The following MAOA variants were observed in gnomAD, a reference collection of about 807,000 sequenced individuals.
MAOA encodes the protein amine oxidase [flavin-containing] A.
In MAOA, 6 loss-of-function variants were observed where a neutral mutation model predicts 42.0. That is an observed-to-expected ratio of 0.14 (90% CI 0.08 to 0.28). MAOA has a LOEUF of 0.28. Ranked by LOEUF, MAOA falls within the 10% of genes least tolerant of loss-of-function variation. The pLI is 1.00. For synonymous variants in MAOA, 140 were observed against 154.0 expected, an observed-to-expected ratio of 0.91 and a Z score of 0.67; for missense variants, 262 against 422.3, an observed-to-expected ratio of 0.62 and a Z score of 3.33.
At chrX:43,677,000 T>A (rs1162221198) in intron 1 of MAOA, among the ~76,000 whole-genome samples, 2 of 111,032 alleles carry the variant, frequency 1.8e-5, no homozygotes, top group Non-Finnish European at 3.8e-5. Flanking sequence ...AAATCAGAAA[T>A]CACATAGGAG....
chrX:43,735,752 C>T (rs1273250123), intron 9 of MAOA, among the ~76,000 whole-genome samples: 3 of 112,711 alleles, frequency 2.7e-5, no homozygotes, highest in South Asian at 3.6e-4. Flanking sequence ...TCTGCTGCCC[C>T]GTCCAATTAC....
intron 5 of MAOA, among the ~76,000 whole-genome samples, chrX:43,723,618 A>T (rs2033809076): frequency 1.8e-5 from 2 of 111,722 alleles, no homozygotes; most frequent in South Asian, 7.5e-4. Context: ...ATATATAATC[A>T]TGTCATCTGC....
intron 2 of MAOA, among the ~76,000 whole-genome samples, chrX:43,685,307 A>G (rs1224053006): frequency 8.9e-6 from 1 of 111,855 alleles, no homozygotes; most frequent in African/African-American, 3.2e-5. Context: ...CCTTGTCTGC[A>G]ACTAAGCTTT....
chrX:43,676,790 T>C (rs780458304), intron 1 of MAOA, among the ~76,000 whole-genome samples: 5 of 110,053 alleles, frequency 4.5e-5, no homozygotes, highest in Non-Finnish European at 9.5e-5. Context: ...TGTGTGTGTG[T>C]GTGTGTGTAG....
chrX:43,666,512 C>T (rs2033279781), intron 1 of MAOA, among the ~76,000 whole-genome samples: 1 of 111,447 alleles, frequency 9.0e-6, no homozygotes, highest in African/African-American at 3.3e-5. Flanking sequence ...CCACCCAAGC[C>T]GTTGTGGTCT....
At chrX:43,737,665 G>A (rs1171079333) in intron 10 of MAOA, among the ~76,000 whole-genome samples, 5 of 111,747 alleles carry the variant, frequency 4.5e-5, no homozygotes, top group East Asian at 2.8e-4. Flanking sequence ...ATTCATGAGA[G>A]CAGAATCTTC....
chrX:43,708,319 G>T (rs1332200244), intron 3 of MAOA, among the ~76,000 whole-genome samples: 1 of 111,103 alleles, frequency 9.0e-6, no homozygotes, highest in Non-Finnish European at 1.9e-5. Flanking sequence ...CACCCTCTTA[G>T]GTCATGAAGG....
rs893183392 is a variant in MAOA, at chrX:43,736,220, T to C, written c.1053-7T>C. On this transcript the variant is annotated splice_polypyrimidine_tract_variant and splice_region_variant and intron_variant, in intron 9 of 14. Coordinates refer to ENST00000338702, the MANE Select transcript of MAOA (RefSeq NM_000240.4). ...ACCTGATCATTCAATGTAACCTCTC[T>C]CTCCAGCTTCATTCTTGCCCGGAAA... 2 of 1,187,672 alleles carry C rather than the reference T, an allele frequency of 1.7e-6. No individual in the cohort carries two copies. The highest frequency in any genetic ancestry group is 3.6e-5 in the South Asian group (2 of 56,014).
intron 5 of MAOA, among the ~76,000 whole-genome samples, chrX:43,713,161 G>T (rs748518668): frequency 2.3e-4 from 26 of 112,307 alleles, no homozygotes; most frequent in Non-Finnish European, 4.7e-4. Context: ...CCATAAAAAA[G>T]AATGAAATCA....
intron 10 of MAOA, among the ~76,000 whole-genome samples, chrX:43,736,518 G>A (rs1275451907): frequency 1.8e-5 from 2 of 111,693 alleles, no homozygotes; most frequent in East Asian, 5.6e-4. Flanking sequence ...GGATTTCCCT[G>A]AGAGATGGAT....
At chrX:43,673,315 T>G (rs2033355303) in intron 1 of MAOA, among the ~76,000 whole-genome samples, 1 of 111,237 alleles carries the variant, frequency 9.0e-6, no homozygotes. Flanking sequence ...TTGCATCTAT[T>G]TGATTCTTCT....
At chrX:43,673,178 G>A (rs1454081671) in intron 1 of MAOA, among the ~76,000 whole-genome samples, 4 of 111,252 alleles carry the variant, frequency 3.6e-5, no homozygotes, top group African/African-American at 9.8e-5. Context: ...GAGGGTGTAT[G>A]TGTCAAGGAA....
intron 3 of MAOA, among the ~76,000 whole-genome samples, chrX:43,699,838 C>T (rs749122261): frequency 8.9e-6 from 1 of 111,803 alleles, no homozygotes; most frequent in Admixed American, 9.5e-5. Flanking sequence ...TGTCTTAATG[C>T]TTACCAGATA....
chrX:43,711,848 A>T (rs1222160847), intron 3 of MAOA, 24 bp from the exon 4 acceptor site: 1 of 1,091,608 alleles, frequency 9.2e-7, no homozygotes, highest in Admixed American at 2.2e-5. Context: ...TTTTTGATTG[A>T]TTCTGTTTGC....
At position 43,744,490 on chromosome X, in the gene MAOA, T is replaced by C. The variant is rs780832453; in HGVS notation, c.1561T>C (p.Tyr521His). ...VTALGFVLYK[Y>H]KLLPRS Reference sequence around the variant, plus strand: ...TGCCCTGGGGTTTGTGCTGTACAAATACAAGCTCCTGCCACGGTCTTGAAG... The same window carrying C: ...TGCCCTGGGGTTTGTGCTGTACAAACACAAGCTCCTGCCACGGTCTTGAAG... The change falls in exon 15 of 15, where the codon TAC becomes CAC. Residue 521 changes from tyrosine (Y) to histidine (H), a missense_variant. Transcript: ENST00000338702. 2 of 1,211,039 alleles carry C rather than the reference T, an allele frequency of 1.7e-6. No homozygotes were observed. Among genetic ancestry groups the C allele is most frequent in the East Asian group, 3.0e-5 (1 of 33,807 alleles).
At chrX:43,689,976 G>C (rs2033519589) in intron 2 of MAOA, among the ~76,000 whole-genome samples, 1 of 109,387 alleles carries the variant, frequency 9.1e-6, no homozygotes, top group Admixed American at 9.8e-5. Flanking sequence ...TCTAATTGTT[G>C]ATTTTTTTCA....
chrX:43,681,050 T>G (rs1310803215), intron 1 of MAOA, among the ~76,000 whole-genome samples: 1 of 110,915 alleles, frequency 9.0e-6, no homozygotes, highest in Non-Finnish European at 1.9e-5. Context: ...GGCTCCTAAG[T>G]CTTTTTGACA....
chrX:43,666,979 A>T (rs1347798128), intron 1 of MAOA, among the ~76,000 whole-genome samples: 3 of 77,181 alleles, frequency 3.9e-5, no homozygotes, highest in Admixed American at 1.7e-4. Flanking sequence ...AACATCACAT[A>T]CCAGGGTCTG....
At chrX:43,683,397 C>T (rs1392859073) in intron 1 of MAOA, 116 bp from the exon 2 acceptor site, 2 of 561,043 alleles carry the variant, frequency 3.6e-6, no homozygotes, top group Non-Finnish European at 6.1e-6. Context: ...ATTAGAAAGA[C>T]AGCAAAATCA....
Sources: allele counts gnomAD v4.1 joint callset (sites outside exome capture counted in the v4.1 genomes callset), GRCh38; gene constraint gnomAD v4.1.1; transcripts MANE v1.5; gene names NCBI Gene and HGNC (gene_info 2026-07-23, HGNC 2026-07-21).